XKR4: variants seen among roughly 807,000 people sequenced by gnomAD.
XKR4 encodes XK-related protein 4.
In XKR4, 12 loss-of-function variants were observed where a neutral mutation model predicts 53.9. That is an observed-to-expected ratio of 0.22 (90% CI 0.14 to 0.36). The LOEUF (loss-of-function observed/expected upper bound fraction) is 0.36. Among genes scored for constraint, XKR4 ranks in the 10% least tolerant of loss-of-function variants. The pLI, the probability that XKR4 is intolerant of heterozygous loss-of-function variation, is 1.00. For synonymous variants in XKR4, 354 were observed against 362.4 expected (o/e 0.98, Z 0.26); for missense variants, 799 against 859.5 (o/e 0.93, Z 0.88).
intron 1 of XKR4, among the ~76,000 whole-genome samples, chr8:55,126,993 G>A (rs965557805): frequency 1.3e-5 from 2 of 152,170 alleles, no homozygotes; most frequent in African/African-American, 4.8e-5. Context: ...GACCTTCAGG[G>A]AAATTTCATC....
At chr8:55,238,388 A>C (rs1036585676) in intron 1 of XKR4, among the ~76,000 whole-genome samples, 1 of 152,168 alleles carries the variant, frequency 6.6e-6, no homozygotes, top group African/African-American at 2.4e-5. Context: ...CTCTTGTTTG[A>C]GTAGGCTGAG....
At chr8:55,262,319 G>C (rs2129371280) in intron 1 of XKR4, among the ~76,000 whole-genome samples, 1 of 152,308 alleles carries the variant, frequency 6.6e-6, no homozygotes, top group East Asian at 1.9e-4. Context: ...AGAGGAAACA[G>C]GCTCAGAAAG....
At chr8:55,414,015 T>C (rs1804810531) in intron 2 of XKR4, among the ~76,000 whole-genome samples, 1 of 152,212 alleles carries the variant, frequency 6.6e-6, no homozygotes, top group South Asian at 2.1e-4. Context: ...AATATAGAGA[T>C]TTGCATTAAT....
intron 2 of XKR4, among the ~76,000 whole-genome samples, chr8:55,515,765 C>T (rs1410095214): frequency 1.3e-5 from 2 of 152,184 alleles, no homozygotes; most frequent in Non-Finnish European, 2.9e-5. Context: ...ATGGTTGCTA[C>T]AGTCCTACAG....
intron 2 of XKR4, among the ~76,000 whole-genome samples, chr8:55,431,289 T>G (rs1433905446): frequency 2.0e-5 from 3 of 152,232 alleles, no homozygotes; most frequent in Non-Finnish European, 4.4e-5. Context: ...AGAAGCTTTT[T>G]AGTGATGTTA....
chr8:55,464,628 C>G (rs1805726250), intron 2 of XKR4, among the ~76,000 whole-genome samples: 1 of 152,142 alleles, frequency 6.6e-6, no homozygotes, highest in Non-Finnish European at 1.5e-5. Context: ...GCTGGAAGTT[C>G]AGGCCAGGGC....
At chr8:55,142,346 C>T in intron 1 of XKR4, 1 of 362,148 alleles carries the variant, frequency 2.8e-6, no homozygotes, top group Middle Eastern at 6.5e-4. Flanking sequence ...TTTCCTACTT[C>T]CTCATCCTGA....
chr8:55,370,236 C>T (rs1359009025), intron 2 of XKR4, among the ~76,000 whole-genome samples: 1 of 152,152 alleles, frequency 6.6e-6, no homozygotes, highest in African/African-American at 2.4e-5. Flanking sequence ...AGCTCTGTAA[C>T]ATCTCAAGTT....
intron 1 of XKR4, among the ~76,000 whole-genome samples, chr8:55,155,360 C>T (rs1049229412): frequency 9.9e-5 from 15 of 151,838 alleles, no homozygotes; most frequent in African/African-American, 2.2e-4. Context: ...ATCCTCGATG[C>T]GAAGCACAGA....
At chr8:55,262,185 CAT>C (rs1309884626) in intron 1 of XKR4, among the ~76,000 whole-genome samples, 1 of 152,122 alleles carries the variant, frequency 6.6e-6, no homozygotes, top group East Asian at 1.9e-4. Context: ...TTTAATGAAA[CAT>C]GTTAAGTATA....
At chr8:55,179,815 C>CT (rs1204663591) in intron 1 of XKR4, among the ~76,000 whole-genome samples, 1 of 152,086 alleles carries the variant, frequency 6.6e-6, no homozygotes, top group Non-Finnish European at 1.5e-5. Flanking sequence ...CAGTTTTACC[C>CT]TTTTTTATTT....
intron 2 of XKR4, among the ~76,000 whole-genome samples, chr8:55,464,013 C>A (rs1805712321): frequency 6.6e-6 from 1 of 152,020 alleles, no homozygotes; most frequent in Admixed American, 6.5e-5. Flanking sequence ...AAGTCCAGGA[C>A]CAGATGGATT....
chr8:55,482,808 G>A (rs1563363377), intron 2 of XKR4, among the ~76,000 whole-genome samples: 1 of 152,060 alleles, frequency 6.6e-6, no homozygotes, highest in Non-Finnish European at 1.5e-5. Context: ...TTCCAAAACA[G>A]AATTTTTATT....
intron 1 of XKR4, among the ~76,000 whole-genome samples, chr8:55,225,487 G>T (rs756671753): frequency 6.6e-6 from 1 of 152,106 alleles, no homozygotes; most frequent in Admixed American, 6.5e-5. Flanking sequence ...GGTGCTCAGC[G>T]ACCAATGGTC....
chr8:55,264,352 G>A (rs1359349865), intron 1 of XKR4, among the ~76,000 whole-genome samples: 1 of 152,146 alleles, frequency 6.6e-6, no homozygotes, highest in Non-Finnish European at 1.5e-5. Flanking sequence ...CACACTCCAT[G>A]AGAACAGAAA....
intron 1 of XKR4, among the ~76,000 whole-genome samples, chr8:55,351,694 C>A (rs1803725472): frequency 6.6e-6 from 1 of 152,218 alleles, no homozygotes; most frequent in Non-Finnish European, 1.5e-5. Context: ...ACTCTTACAT[C>A]TTCACACAGC....
intron 2 of XKR4, among the ~76,000 whole-genome samples, chr8:55,429,408 A>G (rs571655042): frequency 1.3e-5 from 2 of 152,302 alleles, no homozygotes; most frequent in South Asian, 4.1e-4. Flanking sequence ...ATAACAAAAA[A>G]AAAAGAAAAG....
At chr8:55,230,380 GAGAC>G (rs1818018537) in intron 1 of XKR4, among the ~76,000 whole-genome samples, 1 of 41,034 alleles carries the variant, frequency 2.4e-5, no homozygotes. Context: ...TTTTTTTTTT[GAGAC>G]AGGGTTTCTC....
At chr8:55,158,978 C>A (rs1585910668) in intron 1 of XKR4, among the ~76,000 whole-genome samples, 1 of 152,082 alleles carries the variant, frequency 6.6e-6, no homozygotes, top group African/African-American at 2.4e-5. Context: ...TTTTTGGTTT[C>A]ATATGAATTT....
Sources: allele counts gnomAD v4.1 joint callset (sites outside exome capture counted in the v4.1 genomes callset), GRCh38; gene constraint gnomAD v4.1.1; transcripts MANE v1.5; gene names NCBI Gene and HGNC (gene_info 2026-07-23, HGNC 2026-07-21).